Variants in ALG9 observed in about 807,000 individuals in gnomAD.
ALG9 encodes the protein ALG9 alpha-1,2-mannosyltransferase, also known as alpha-1,2-mannosyltransferase ALG9.
In ALG9, 55 loss-of-function variants were observed where a neutral mutation model predicts 81.8. The observed-to-expected ratio is 0.67, with a 90% CI of 0.54 to 0.84. The LOEUF (loss-of-function observed/expected upper bound fraction) is 0.84, where lower values mean the gene tolerates loss of function less well. Among genes scored for constraint, ALG9 ranks in the 40% least tolerant of loss-of-function variants. The probability of loss-of-function intolerance (pLI) is 0.00; values close to 1 mark genes in which losing one functional copy is unlikely to be tolerated. For missense variants in ALG9, 629 were observed against 745.0 expected (o/e 0.84, Z 1.81); for synonymous variants, 278 against 274.3 (o/e 1.01, Z -0.13).
chr11:111,790,408 T>C (rs1394216726), intron 14 of ALG9, among the ~76,000 whole-genome samples: 1 of 152,148 alleles, frequency 6.6e-6, no homozygotes, highest in African/African-American at 2.4e-5. Flanking sequence ...ATGAAAGAAT[T>C]GCTTGGGCCC....
At chr11:111,845,139 T>TA (rs782816343) in intron 8 of ALG9, 38 of 187,524 alleles carry the variant, frequency 2.0e-4, no homozygotes, top group East Asian at 4.0e-4. Context: ...GAAAGAGTGA[T>TA]AAAAAAACTT....
chr11:111,836,040 C>T (rs1161283767), intron 13 of ALG9, 125 bp downstream of exon 13: 2 of 1,290,922 alleles, frequency 1.5e-6, no homozygotes, highest in Non-Finnish European at 1.1e-6. Flanking sequence ...TGAGCCACAG[C>T]ACCCGGCCTT....
At chr11:111,855,718 A>G (rs1958557525) in intron 6 of ALG9, among the ~76,000 whole-genome samples, 1 of 152,206 alleles carries the variant, frequency 6.6e-6, no homozygotes, top group South Asian at 2.1e-4. Flanking sequence ...CTCAAGAGAG[A>G]TAACTGGACT....
chr11:111,832,106 T>C (rs188285109), intron 13 of ALG9, among the ~76,000 whole-genome samples: 7 of 152,280 alleles, frequency 4.6e-5, no homozygotes, highest in Non-Finnish European at 1.0e-4. Flanking sequence ...ATTATAACTT[T>C]TGTAAGATTT....
intron 4 of ALG9, among the ~76,000 whole-genome samples, chr11:111,861,228 T>C (rs782178109): frequency 2.6e-5 from 4 of 152,230 alleles, no homozygotes; most frequent in Non-Finnish European, 4.4e-5. Context: ...TTCTTGTAGG[T>C]GTGAACCCCA....
chr11:111,844,484 C>A, intron 9 of ALG9, 117 bp downstream of exon 9: 2 of 1,468,912 alleles, frequency 1.4e-6, no homozygotes, highest in Non-Finnish European at 1.9e-6. Context: ...AGTAAGCCAA[C>A]CATTTCCATA....
intron 8 of ALG9, among the ~76,000 whole-genome samples, chr11:111,846,759 T>C (rs1319561872): frequency 6.6e-6 from 1 of 152,186 alleles, no homozygotes; most frequent in South Asian, 2.1e-4. Context: ...CCCTGCTTGA[T>C]GACACATCTG....
chr11:111,830,952 CT>C (rs1954246045), intron 13 of ALG9, among the ~76,000 whole-genome samples: 1 of 152,164 alleles, frequency 6.6e-6, no homozygotes, highest in South Asian at 2.1e-4. Context: ...AGAAGGATCA[CT>C]TGAAGCCTGG....
intron 1 of ALG9, 154 bp downstream of exon 1, chr11:111,871,198 G>A: frequency 1.5e-6 from 2 of 1,302,808 alleles, no homozygotes; most frequent in African/African-American, 1.6e-5. Flanking sequence ...ACCCGCCCAG[G>A]AAGACCAATA....
intron 6 of ALG9, among the ~76,000 whole-genome samples, chr11:111,856,510 G>A (rs1179085156): frequency 2.0e-5 from 3 of 151,564 alleles, no homozygotes; most frequent in Non-Finnish European, 4.4e-5. Flanking sequence ...TATACACACA[G>A]CATAATTTTT....
At chr11:111,799,557 G>A (rs782567063) in intron 14 of ALG9, among the ~76,000 whole-genome samples, 1 of 150,642 alleles carries the variant, frequency 6.6e-6, no homozygotes, top group Non-Finnish European at 1.5e-5. Flanking sequence ...ACAATAATAA[G>A]AATTGTCAGC....
chr11:111,865,833 TTCC>T lies in ALG9; in HGVS notation c.406-585_406-583del, dbSNP rs200190281. Among the ~76,000 whole-genome samples the T allele has an allele frequency of 6.4e-3, 980 of 152,214 alleles. 10 individuals are homozygous for T. The highest frequency in any genetic ancestry group is 0.022 in the African/African-American group (914 of 41,456). On this transcript the variant is annotated intron_variant, in intron 3 of 14. Transcript: ENST00000616540. ...ACCTGGTAGATTTAGATGAGTATTTTTCCTCCTATCTTCCAAAGTTCTGTTATG... is the reference window on the plus strand; with the variant it reads ...ACCTGGTAGATTTAGATGAGTATTTTTCCTATCTTCCAAAGTTCTGTTATG...
At chr11:111,792,422 T>A (rs1312657846) in intron 14 of ALG9, among the ~76,000 whole-genome samples, 3 of 152,168 alleles carry the variant, frequency 2.0e-5, no homozygotes, top group Non-Finnish European at 4.4e-5. Flanking sequence ...TGAGTTTAAT[T>A]CAATTTAGTT....
intron 6 of ALG9, among the ~76,000 whole-genome samples, chr11:111,855,885 A>C (rs1427634667): frequency 2.6e-5 from 4 of 152,184 alleles, no homozygotes; most frequent in Non-Finnish European, 5.9e-5. Flanking sequence ...TTTAAAAGGC[A>C]CTTAAGAAAT....
chr11:111,833,661 C>A (rs560849900), intron 13 of ALG9, among the ~76,000 whole-genome samples: 1 of 152,308 alleles, frequency 6.6e-6, no homozygotes, highest in African/African-American at 2.4e-5. Flanking sequence ...TCTGCCACCA[C>A]AGATAAGCAA....
chr11:111,870,848 C>T, intron 1 of ALG9: 1 of 1,004,658 alleles, frequency 1.0e-6, no homozygotes, highest in African/African-American at 1.7e-5. Context: ...TGGCTTTATT[C>T]ATTCCCCCTT....
intron 9 of ALG9, 120 bp downstream of exon 9, chr11:111,844,481 C>T: frequency 6.9e-7 from 1 of 1,459,256 alleles, no homozygotes; most frequent in Non-Finnish European, 9.6e-7. Flanking sequence ...TTCAGTAAGC[C>T]AACCATTTCC....
chr11:111,843,454 C>T (rs569473387), intron 9 of ALG9, among the ~76,000 whole-genome samples: 1 of 152,178 alleles, frequency 6.6e-6, no homozygotes, highest in South Asian at 2.1e-4. Flanking sequence ...GGCATTATGG[C>T]TACGTTGAAA....
intron 13 of ALG9, among the ~76,000 whole-genome samples, chr11:111,829,925 T>C (rs1954062929): frequency 6.6e-6 from 1 of 152,194 alleles, no homozygotes; most frequent in Non-Finnish European, 1.5e-5. Flanking sequence ...TCAGGACACA[T>C]GTCTCAAGAT....
Sources: allele counts gnomAD v4.1 joint callset (sites outside exome capture counted in the v4.1 genomes callset), GRCh38; gene constraint gnomAD v4.1.1; transcripts MANE v1.5; gene names NCBI Gene and HGNC (gene_info 2026-07-23, HGNC 2026-07-21).